Variants in ADAMTS10 observed in about 807,000 individuals in gnomAD.
ADAMTS10 encodes the protein ADAM metallopeptidase with thrombospondin type 1 motif 10.
In ADAMTS10, 48 loss-of-function variants were observed where a neutral mutation model predicts 135.9. The observed-to-expected ratio is 0.35, with a 90% CI of 0.28 to 0.45. The LOEUF is 0.45. Among genes scored for constraint, ADAMTS10 ranks in the 20% least tolerant of loss-of-function variants. The probability of loss-of-function intolerance (pLI) is 1.00; values close to 1 mark genes in which losing one functional copy is unlikely to be tolerated. For missense variants in ADAMTS10, 1,131 were observed against 1,565.2 expected (o/e 0.72, Z 4.68); for synonymous variants, 621 against 647.5 (o/e 0.96, Z 0.62).
intron 5 of ADAMTS10, among the ~76,000 whole-genome samples, chr19:8,602,009 C>A (rs1202521997): frequency 6.6e-6 from 1 of 152,200 alleles, no homozygotes; most frequent in East Asian, 1.9e-4. Context: ...TGTGAACCAG[C>A]CTGTTTTGCA....
At chr19:8,589,682 C>T in intron 16 of ADAMTS10, 97 bp from the exon 17 acceptor site, 1 of 1,574,594 alleles carries the variant, frequency 6.4e-7, no homozygotes, top group African/African-American at 1.3e-5. Flanking sequence ...AGACCCCAGA[C>T]CCAAGAGGAA....
At position 8,581,130 on chromosome 19, in the gene ADAMTS10, C is replaced by CTTT. The variant is rs369050914; in HGVS notation, c.3203-131_3203-129dup. ...CTTGGTTTCTTTCTTTTTAAATTTA[C>CTTT]TTTTTTTTTTTTTTTTTTTTTTTTT... is the stretch of plus-strand genomic sequence containing the variant. On this transcript the variant is annotated intron_variant, in intron 25 of 25. Transcript: ENST00000597188. 884 of 147,116 alleles carry CTTT rather than the reference C, an allele frequency of 6.0e-3. 70 individuals carry two copies. The highest frequency in any genetic ancestry group is 7.4e-3 in the Non-Finnish European group (653 of 87,958). The allele number at this position is 147,116 out of a possible 1,614,324, so 9.1% of individuals were successfully genotyped here.
intron 6 of ADAMTS10, among the ~76,000 whole-genome samples, chr19:8,598,216 G>C (rs1212294211): frequency 1.3e-5 from 2 of 152,296 alleles, no homozygotes; most frequent in African/African-American, 4.8e-5. Context: ...TGTCAGAAGT[G>C]AGACTCAAGT....
In ADAMTS10 at chr19:8,589,718, G is replaced by A. The variant is rs77275982; in HGVS notation, c.1901-133C>T. ...GGGCAGCTTGGGCAGAGGGAGTGGG[G>A]GCTCCCAGCGTCACGTTGAACCCCC... On this transcript the variant is annotated intron_variant, in intron 16 of 25. Coordinates refer to ENST00000597188, the MANE Select transcript of ADAMTS10 (RefSeq NM_030957.4). 1.5e-3 allele frequency: 2,158 copies of A among 1,471,808 alleles called. 30 individuals carry two copies. The African/African-American group carries it at 0.025, about 17-fold the overall frequency. 91.2% of individuals were successfully genotyped at this position (1,471,808 alleles called of 1,614,324 possible).
chr19:8,603,980 A>T, intron 4 of ADAMTS10, 96 bp from the exon 5 acceptor site: 2 of 1,290,276 alleles, frequency 1.6e-6, no homozygotes, highest in South Asian at 1.7e-5. Context: ...TTTCATTCTT[A>T]TCAGGTTTAT....
At chr19:8,584,250 G>C (rs1455350510) in intron 25 of ADAMTS10, among the ~76,000 whole-genome samples, 3 of 151,920 alleles carry the variant, frequency 2.0e-5, no homozygotes, top group Non-Finnish European at 2.9e-5. Flanking sequence ...GTTCTCAAGG[G>C]AAGTGATCGA....
chr19:8,610,008 C>A (rs1463521094), intron 1 of ADAMTS10, among the ~76,000 whole-genome samples: 1 of 151,880 alleles, frequency 6.6e-6, no homozygotes, highest in East Asian at 1.9e-4. Context: ...GACAGAGAAA[C>A]ACGCGGACAC....
chr19:8,595,523 C>T (rs1555739918), intron 12 of ADAMTS10: 1 of 575,636 alleles, frequency 1.7e-6, no homozygotes, highest in Non-Finnish European at 3.1e-6. Flanking sequence ...GCCCTCAAAT[C>T]AGGGGTCTGG....
intron 18 of ADAMTS10, 70 bp from the exon 19 acceptor site, chr19:8,586,966 G>A (rs1006015320): frequency 8.6e-6 from 13 of 1,508,562 alleles, no homozygotes; most frequent in Admixed American, 1.7e-5. Context: ...CCTGTCCCCG[G>A]CCCATGAGGA....
chr19:8,584,311 C>A (rs1463001555), intron 25 of ADAMTS10, among the ~76,000 whole-genome samples: 1 of 151,942 alleles, frequency 6.6e-6, no homozygotes, highest in African/African-American at 2.4e-5. Context: ...TTTTAGTTGT[C>A]ATAACTTGGG....
Position 8,596,049 on chromosome 19 carries a change from A to C in ADAMTS10, c.1337+24T>G, listed in dbSNP as rs1555740072. 6.2e-7 allele frequency: 1 copy of C among 1,613,940 alleles called. No homozygotes were observed. Among genetic ancestry groups the C allele is most frequent in the South Asian group, 1.1e-5 (1 of 91,082 alleles). On this transcript the variant is annotated intron_variant, in intron 11 of 25. Transcript: ENST00000597188. This position sits in a 1 kb window ranked among gnomAD's most constrained non-coding sequence, Gnocchi z 7.2. ...CCCACCATGAGTGTGACCCGCTCTGAGGGACACCCAGGTGCATCCTCACTC... is the reference window on the plus strand; with the variant it reads ...CCCACCATGAGTGTGACCCGCTCTGCGGGACACCCAGGTGCATCCTCACTC...
At chr19:8,584,412 T>G (rs1250763564) in intron 25 of ADAMTS10, among the ~76,000 whole-genome samples, 1 of 151,748 alleles carries the variant, frequency 6.6e-6, no homozygotes, top group Non-Finnish European at 1.5e-5. Flanking sequence ...TTTGGGAGGC[T>G]GAGGTGGGAG....
At position 8,592,878 on chromosome 19, in the gene ADAMTS10, C is replaced by T. The variant is rs782444362; in HGVS notation, c.1480-8G>A. 6 of 1,608,158 alleles carry T rather than the reference C, an allele frequency of 3.7e-6. No individual in the cohort carries two copies. The highest frequency in any genetic ancestry group is 5.1e-6 in the Non-Finnish European group (6 of 1,179,016). ...CAGCTCGCTGCAGACCTCCTGCGGG[C>T]CGAGGTGCCCGCTCAGGCTCGCCCC... On this transcript the variant is annotated splice_polypyrimidine_tract_variant and splice_region_variant and intron_variant, in intron 12 of 25. Transcript: ENST00000597188.
intron 6 of ADAMTS10, among the ~76,000 whole-genome samples, chr19:8,600,716 T>G (rs572808617): frequency 1.3e-5 from 2 of 152,048 alleles, no homozygotes; most frequent in Non-Finnish European, 2.9e-5. Flanking sequence ...GCCAGGATGG[T>G]CTCCATCTCC....
chr19:8,588,247 C>CA (rs1241249673), intron 18 of ADAMTS10, among the ~76,000 whole-genome samples: 61 of 151,312 alleles, frequency 4.0e-4, no homozygotes, highest in African/African-American at 1.2e-3. Context: ...GACTCTGTCT[C>CA]AAAAAAAATT....
intron 6 of ADAMTS10, among the ~76,000 whole-genome samples, chr19:8,598,547 C>T (rs1054282568): frequency 5.4e-5 from 8 of 147,604 alleles, no homozygotes; most frequent in Non-Finnish European, 1.2e-4. Context: ...ATCATTTCCC[C>T]GTCTGGAAAT....
rs148420321 is a variant in ADAMTS10, at chr19:8,607,159, G to A, written c.-100+975C>T. ...GATTAGAGCTAAGGCTCCCACCCAT[G>A]CATCTACTGTCCTGGGCCCTGTCTT... is the stretch of plus-strand genomic sequence containing the variant. On this transcript the variant is annotated intron_variant, in intron 2 of 25. Coordinates refer to ENST00000597188, the MANE Select transcript of ADAMTS10 (RefSeq NM_030957.4). Among the ~76,000 whole-genome samples, 66 of 152,244 alleles carry A rather than the reference G, an allele frequency of 4.3e-4. No homozygotes were observed. The East Asian group carries it at 0.012, about 28-fold the overall frequency.
Position 8,580,840 on chromosome 19 carries a change from C to T in ADAMTS10, c.*53G>A, listed in dbSNP as rs537061263. 3.3e-5 allele frequency: 48 copies of T among 1,461,668 alleles called. No individual in the cohort carries two copies. The highest frequency in any genetic ancestry group is 4.4e-5 in the Non-Finnish European group (47 of 1,069,078). The allele number at this position is 1,461,668 out of a possible 1,614,324, so 90.5% of individuals were successfully genotyped here. A position where few individuals can be genotyped will look rare whatever the true frequency, so the allele number is the denominator to read the frequency against. ...GGGGCCCCCTCTGGCCGGCCCGCTG[C>T]AGGGCTGGCGGCGGAGACCCCGCCA... On this transcript the variant is annotated 3_prime_UTR_variant, in exon 26 of 26. Coordinates refer to ENST00000597188, the MANE Select transcript of ADAMTS10 (RefSeq NM_030957.4).
At position 8,585,233 on chromosome 19, in the gene ADAMTS10, G is replaced by T; in HGVS notation, c.2941C>A (p.Pro981Thr). The change falls in exon 24 of 26, where the codon CCC (proline) becomes ACC (threonine). Residue 981 changes from proline (P) to threonine (T), a missense_variant. By Grantham distance (38) the Pro-to-Thr change is conservative. Coordinates refer to ENST00000597188, the MANE Select transcript of ADAMTS10 (RefSeq NM_030957.4). The part of the protein sequence containing the change: ...CKSADHRATL[P>T]PAHCSPAAKP... ...GCGGCGGGTGAGCAGTGCGCCGGGG[G>T]CAGCGTGGCGCGGTGGTCTGCGCTC... 6.8e-7 allele frequency: 1 copy of T among 1,460,392 alleles called. No homozygotes were observed. The highest frequency in any genetic ancestry group is 2.6e-5 in the East Asian group (1 of 39,000). The allele number at this position is 1,460,392 out of a possible 1,614,324, so 90.5% of individuals were successfully genotyped here.
Sources: allele counts gnomAD v4.1 joint callset (sites outside exome capture counted in the v4.1 genomes callset), GRCh38; gene constraint gnomAD v4.1.1; non-coding constraint Gnocchi (gnomAD v3.1); transcripts MANE v1.5; gene names NCBI Gene and HGNC (gene_info 2026-07-23, HGNC 2026-07-21).